Variants in CDKN2AIPNL observed in about 807,000 individuals in gnomAD.
The protein encoded by CDKN2AIPNL is XRN2 binding domain containing 1.
CDKN2AIPNL carries 9 observed loss-of-function variants against 12.9 expected under a neutral mutation model. That is an observed-to-expected ratio of 0.70 (90% CI 0.42 to 1.22). The LOEUF (loss-of-function observed/expected upper bound fraction) is 1.22, where lower values mean the gene tolerates loss of function less well. Among genes scored for constraint, CDKN2AIPNL ranks in the 50% most tolerant of loss-of-function variants. The probability of loss-of-function intolerance (pLI) is 0.00; values close to 1 mark genes in which losing one functional copy is unlikely to be tolerated. For synonymous variants in CDKN2AIPNL, 53 were observed against 61.7 expected (o/e 0.86, Z 0.66); for missense variants, 143 against 153.6 (o/e 0.93, Z 0.37).
intron 2 of CDKN2AIPNL, among the ~76,000 whole-genome samples, chr5:134,407,150 C>T (rs1759116843): frequency 6.6e-6 from 1 of 152,014 alleles, no homozygotes; most frequent in Non-Finnish European, 1.5e-5. Context: ...TCTCTGTAGA[C>T]TCACACTGTG....
intron 2 of CDKN2AIPNL, among the ~76,000 whole-genome samples, chr5:134,406,362 C>T (rs1385092650): frequency 1.3e-5 from 2 of 152,160 alleles, no homozygotes; most frequent in South Asian, 2.1e-4. Context: ...CAACAACAGA[C>T]GTTTTCAGGT....
chr5:134,404,455 C>T (rs1759071513), intron 2 of CDKN2AIPNL, among the ~76,000 whole-genome samples: 1 of 152,130 alleles, frequency 6.6e-6, no homozygotes, highest in African/African-American at 2.4e-5. Context: ...TCTCGAGTAG[C>T]TGGGACCACA....
chr5:134,403,786 G>T (rs956036424), intron 2 of CDKN2AIPNL, among the ~76,000 whole-genome samples: 4 of 152,166 alleles, frequency 2.6e-5, no homozygotes, highest in Admixed American at 2.0e-4. Flanking sequence ...CACTGCGCCC[G>T]GCTAATTTTT....
chr5:134,411,747 T>C lies in CDKN2AIPNL; in HGVS notation c.108A>G (p.Gln36=). 2 of 1,612,822 alleles carry C rather than the reference T, an allele frequency of 1.2e-6. No individual in the cohort carries two copies. Among genetic ancestry groups the C allele is most frequent in the Middle Eastern group, 1.7e-4 (1 of 5,860 alleles). The change falls in exon 1 of 3, where the codon CAA becomes CAG. Residue 36 remains glutamine, a synonymous_variant. Transcript: ENST00000458198. The part of the protein sequence containing the change: ...QFRSYSESEK[Q]WKARMEFILR... ...GGATGAATTCCATGCGGGCCTTCCA[T>C]TGCTTCTCGCTCTCTGAGTAGGAGC...
Position 134,402,815 on chromosome 5 carries a change from A to G in CDKN2AIPNL, c.*100T>C. ...CCACCTGCCTCTTTATGTTGGTAAT[A>G]CCAGGAGTCTTAAGAGAGCTGCTGT... On this transcript the variant is annotated 3_prime_UTR_variant, in exon 3 of 3. Transcript: ENST00000458198. 4 of 1,032,834 alleles carry G rather than the reference A, an allele frequency of 3.9e-6. No homozygotes were observed. Among genetic ancestry groups the G allele is most frequent in the Non-Finnish European group, 5.8e-6 (4 of 689,460 alleles). 64.0% of individuals were successfully genotyped at this position (1,032,834 alleles called of 1,614,324 possible). A position where few individuals can be genotyped will look rare whatever the true frequency, so the allele number is the denominator to read the frequency against.
At chr5:134,407,256 AACACACACACACAC>A (rs5871539) in intron 2 of CDKN2AIPNL, among the ~76,000 whole-genome samples, 3 of 139,606 alleles carry the variant, frequency 2.1e-5, no homozygotes, top group Non-Finnish European at 3.1e-5. Flanking sequence ...GACCCTTCCT[AACACACACACACAC>A]ACACACACAC....
chr5:134,402,589 TGCCTGGG>T lies in CDKN2AIPNL; in HGVS notation c.*319_*325del. On this transcript the variant is annotated 3_prime_UTR_variant, in exon 3 of 3. Transcript: ENST00000458198. ...AGCCAATACTGCACCTTTGTGCTTCTGCCTGGGCGACAGAGTGAGACCTTGTCGATAA... is the reference window on the plus strand; with the variant it reads ...AGCCAATACTGCACCTTTGTGCTTCTCGACAGAGTGAGACCTTGTCGATAA... The T allele has an allele frequency of 4.3e-6, 1 of 231,502 alleles. No individual in the cohort carries two copies. The allele number at this position is 231,502 out of a possible 1,614,324, so 14.3% of individuals were successfully genotyped here.
Position 134,411,824 on chromosome 5 carries a change from C to G in CDKN2AIPNL, c.31G>C (p.Glu11Gln). ...TGCCGCACCCCCGAAACCAGCTCCT[C>G]CACTGCGGCAGCCGCCTCGCCACCG... is the stretch of plus-strand genomic sequence containing the variant. MVGGEAAAAV[E>Q]ELVSGVRQAA... The change falls in exon 1 of 3, where the codon GAG (glutamate) becomes CAG (glutamine). Residue 11 changes from glutamate to glutamine, a missense_variant. By Grantham distance (29) the Glu-to-Gln change is conservative. Coordinates refer to ENST00000458198, the MANE Select transcript of CDKN2AIPNL (RefSeq NM_080656.3). 1 of 1,590,436 alleles carries G rather than the reference C, an allele frequency of 6.3e-7. No individual in the cohort carries two copies. Among genetic ancestry groups the G allele is most frequent in the Non-Finnish European group, 8.6e-7 (1 of 1,169,578 alleles).
At chr5:134,408,361 G>C (rs1283898520) in intron 2 of CDKN2AIPNL, among the ~76,000 whole-genome samples, 1 of 151,810 alleles carries the variant, frequency 6.6e-6, no homozygotes, top group African/African-American at 2.4e-5. Context: ...GCTAAAAACA[G>C]TAGCCCCTTT....
At chr5:134,408,738 GA>G (rs1463250854) in intron 2 of CDKN2AIPNL, among the ~76,000 whole-genome samples, 4 of 152,022 alleles carry the variant, frequency 2.6e-5, no homozygotes, top group Non-Finnish European at 5.9e-5. Context: ...TTTACTTACT[GA>G]TTTTTTGTCA....
chr5:134,404,906 C>G (rs1170255542), intron 2 of CDKN2AIPNL, among the ~76,000 whole-genome samples: 2 of 152,154 alleles, frequency 1.3e-5, no homozygotes, highest in African/African-American at 2.4e-5. Context: ...TTGCCTCAGC[C>G]TCAAGAGTAA....
At chr5:134,403,924 C>G (rs564521279) in intron 2 of CDKN2AIPNL, among the ~76,000 whole-genome samples, 2 of 152,188 alleles carry the variant, frequency 1.3e-5, no homozygotes, top group South Asian at 4.1e-4. Context: ...GTGCCCAGCC[C>G]CAGTCAGTCT....
intron 2 of CDKN2AIPNL, among the ~76,000 whole-genome samples, chr5:134,403,944 G>T (rs1238075097): frequency 6.6e-6 from 1 of 152,066 alleles, no homozygotes; most frequent in South Asian, 2.1e-4. Context: ...TTTTTCAGAT[G>T]AAAAAACAAA....
Position 134,402,741 on chromosome 5 carries a change from G to A in CDKN2AIPNL, c.*174C>T. 2.0e-6 allele frequency: 1 copy of A among 507,810 alleles called. No homozygotes were observed. The highest frequency in any genetic ancestry group is 3.7e-5 in the Admixed American group (1 of 26,814). 31.5% of individuals were successfully genotyped at this position (507,810 alleles called of 1,614,324 possible). ...CATACTTTTACAGTGATAACTCCTG[G>A]GAAAATGAGAATGTTAAAAAAGCCA... On this transcript the variant is annotated 3_prime_UTR_variant, in exon 3 of 3. Coordinates refer to ENST00000458198, the MANE Select transcript of CDKN2AIPNL (RefSeq NM_080656.3).
At chr5:134,404,029 T>C (rs752338109) in intron 2 of CDKN2AIPNL, among the ~76,000 whole-genome samples, 2 of 152,166 alleles carry the variant, frequency 1.3e-5, no homozygotes, top group Non-Finnish European at 2.9e-5. Flanking sequence ...AGAAACCATC[T>C]TAAGTCCAAA....
chr5:134,402,718 T>C lies in CDKN2AIPNL; in HGVS notation c.*197A>G, dbSNP rs911553552. ...TTATAAATACATAAATATCCATGCA[T>C]ACTTTTACAGTGATAACTCCTGGGA... is the stretch of plus-strand genomic sequence containing the variant. On this transcript the variant is annotated 3_prime_UTR_variant, in exon 3 of 3. Transcript: ENST00000458198. 4.4e-6 allele frequency: 2 copies of C among 454,990 alleles called. No homozygotes were observed. Among genetic ancestry groups the C allele is most frequent in the African/African-American group, 4.0e-5 (2 of 49,864 alleles). 28.2% of individuals were successfully genotyped at this position (454,990 alleles called of 1,614,324 possible). A position where few individuals can be genotyped will look rare whatever the true frequency, so the allele number is the denominator to read the frequency against.
intron 2 of CDKN2AIPNL, among the ~76,000 whole-genome samples, chr5:134,404,119 GGCT>G (rs1759067877): frequency 6.6e-6 from 1 of 152,152 alleles, no homozygotes; most frequent in Admixed American, 6.5e-5. Flanking sequence ...CGCCGGTTTG[GGCT>G]GCTGTGTATA....
At chr5:134,407,026 A>C (rs1759114916) in intron 2 of CDKN2AIPNL, among the ~76,000 whole-genome samples, 1 of 152,232 alleles carries the variant, frequency 6.6e-6, no homozygotes, top group South Asian at 2.1e-4. Context: ...ACACAATTCA[A>C]AAATGCTATA....
chr5:134,407,883 C>T (rs2149697389), intron 2 of CDKN2AIPNL, among the ~76,000 whole-genome samples: 1 of 152,192 alleles, frequency 6.6e-6, no homozygotes, highest in African/African-American at 2.4e-5. Flanking sequence ...CGCCTGTAAT[C>T]CTAGCACTTT....
Sources: allele counts gnomAD v4.1 joint callset (sites outside exome capture counted in the v4.1 genomes callset), GRCh38; gene constraint gnomAD v4.1.1; transcripts MANE v1.5; gene names NCBI Gene and HGNC (gene_info 2026-07-23, HGNC 2026-07-21).